The following BARX2 variants were observed in gnomAD, a reference collection of about 807,000 sequenced individuals.
The protein encoded by BARX2 is BARX homeobox 2.
Under a neutral mutation model 25.5 loss-of-function variants are expected in BARX2, and 11 were observed. The ratio of observed to expected loss-of-function variants is 0.43; its 90% confidence interval spans 0.27 to 0.71. The LOEUF is 0.71. Ranked by LOEUF, BARX2 falls within the 30% of genes least tolerant of loss-of-function variation. The probability of loss-of-function intolerance (pLI) is 0.19; values close to 1 mark genes in which losing one functional copy is unlikely to be tolerated. For missense variants in BARX2, 360 were observed against 359.9 expected, an observed-to-expected ratio of 1.00 and a Z score of 0.00; for synonymous variants, 137 against 149.5, an observed-to-expected ratio of 0.92 and a Z score of 0.61.
intron 1 of BARX2, among the ~76,000 whole-genome samples, chr11:129,378,021 A>T (rs1493544): frequency 0.87 from 131,793 of 152,176 alleles, 57,181 homozygotes; most frequent in East Asian, 0.98. Context: ...CAGAGGAAAA[A>T]AAAATGATTC....
chr11:129,399,150 G>A (rs1861751632), intron 1 of BARX2, among the ~76,000 whole-genome samples: 1 of 152,170 alleles, frequency 6.6e-6, no homozygotes, highest in Admixed American at 6.5e-5. Flanking sequence ...CCTGTCAGTG[G>A]AATATTGAAT....
At position 129,436,655 on chromosome 11, in the gene BARX2, C is replaced by T; in HGVS notation, c.188-96C>T. 1 of 1,362,250 alleles carries T rather than the reference C, an allele frequency of 7.3e-7. No homozygotes were observed. Among genetic ancestry groups the T allele is most frequent in the Non-Finnish European group, 1.0e-6 (1 of 1,002,436 alleles). 84.4% of individuals were successfully genotyped at this position (1,362,250 alleles called of 1,614,324 possible). A position where few individuals can be genotyped will look rare whatever the true frequency, so the allele number is the denominator to read the frequency against. ...TACCTCCTTAAGAGCAGGGCCCTCC[C>T]TGTCAGACAGACCTCAGCCAGCGGC... On this transcript the variant is annotated intron_variant, in intron 1 of 3. Transcript: ENST00000281437. The surrounding 1 kb of genome is among the most constrained non-coding windows in gnomAD (Gnocchi z 4.5).
intron 2 of BARX2, among the ~76,000 whole-genome samples, chr11:129,440,110 C>T (rs2135413664): frequency 6.6e-6 from 1 of 152,238 alleles, no homozygotes; most frequent in South Asian, 2.1e-4. Context: ...ATGAGCACTC[C>T]CTCCTCCCAC....
chr11:129,391,747 G>A (rs1467916282), intron 1 of BARX2, among the ~76,000 whole-genome samples: 1 of 152,104 alleles, frequency 6.6e-6, no homozygotes, highest in East Asian at 1.9e-4. Context: ...ACGGAGAGGG[G>A]GGTCAAAAAT....
At chr11:129,413,005 G>A (rs1289061153) in intron 1 of BARX2, among the ~76,000 whole-genome samples, 1 of 152,148 alleles carries the variant, frequency 6.6e-6, no homozygotes, top group African/African-American at 2.4e-5. Context: ...AAACTTACGT[G>A]CAGTGGGAGT....
chr11:129,394,231 C>T (rs1861695322), intron 1 of BARX2, among the ~76,000 whole-genome samples: 1 of 152,192 alleles, frequency 6.6e-6, no homozygotes, highest in Non-Finnish European at 1.5e-5. Flanking sequence ...CTACGGTTCA[C>T]TCATTTTCAT....
chr11:129,420,678 C>T (rs1309205497), intron 1 of BARX2, among the ~76,000 whole-genome samples: 1 of 152,208 alleles, frequency 6.6e-6, no homozygotes, highest in Non-Finnish European at 1.5e-5. Context: ...TTTATTACTT[C>T]ACCTCCTTGT....
rs762376633 is a variant in BARX2, at chr11:129,376,754, A to G, written c.187+532A>G. 6.6e-6 allele frequency among the ~76,000 whole-genome samples: 1 copy of G among 152,170 alleles called. No individual in the cohort carries two copies. The highest frequency in any genetic ancestry group is 1.5e-5 in the Non-Finnish European group (1 of 68,046). On this transcript the variant is annotated intron_variant, in intron 1 of 3. Transcript: ENST00000281437. The surrounding 1 kb of genome is among the most constrained non-coding windows in gnomAD (Gnocchi z 4.2). Reference sequence around the variant, plus strand: ...CTCTGAGAAAGTAGTTCTGAAGTACATTGTCTTTGTGGCACAAGCCGAAAA... The same window carrying G: ...CTCTGAGAAAGTAGTTCTGAAGTACGTTGTCTTTGTGGCACAAGCCGAAAA...
In BARX2 at chr11:129,421,645, C is replaced by T. The variant is rs1006508002; in HGVS notation, c.188-15106C>T. Among the ~76,000 whole-genome samples, 9 of 152,264 alleles carry T rather than the reference C, an allele frequency of 5.9e-5. No homozygotes were observed. The East Asian group carries it at 9.7e-4, about 16-fold the overall frequency. ...GTCATCACAGTAATGGGAAATCTTC[C>T]GATCACTGACTATATTTTGGGGGCC... On this transcript the variant is annotated intron_variant, in intron 1 of 3. Coordinates refer to ENST00000281437, the MANE Select transcript of BARX2 (RefSeq NM_003658.5).
chr11:129,398,065 C>T (rs1470018473), intron 1 of BARX2, among the ~76,000 whole-genome samples: 1 of 152,212 alleles, frequency 6.6e-6, no homozygotes, highest in Non-Finnish European at 1.5e-5. Flanking sequence ...ACGATCTCAA[C>T]TGCATCTTTA....
At chr11:129,399,105 C>A (rs938894405) in intron 1 of BARX2, among the ~76,000 whole-genome samples, 1 of 152,170 alleles carries the variant, frequency 6.6e-6, no homozygotes, top group African/African-American at 2.4e-5. Context: ...ATATGATGGT[C>A]CCCTGGGTCA....
intron 1 of BARX2, among the ~76,000 whole-genome samples, chr11:129,414,123 C>T (rs1249481771): frequency 6.6e-6 from 1 of 151,074 alleles, no homozygotes; most frequent in Non-Finnish European, 1.5e-5. Context: ...GGTTTGATAT[C>T]AGTTTGAACT....
In BARX2 at chr11:129,413,722, C is replaced by T. The variant is rs12276704; in HGVS notation, c.188-23029C>T. The stretch of plus-strand genomic sequence containing the variant: ...AAATGGTGGGGAAAGGTGTCATCGG[C>T]ACCTTGGAGAAGAATCTTCTTTATT... On this transcript the variant is annotated intron_variant, in intron 1 of 3. Coordinates refer to ENST00000281437, the MANE Select transcript of BARX2 (RefSeq NM_003658.5). Among the ~76,000 whole-genome samples, 1,028 of 152,100 alleles carry T rather than the reference C, an allele frequency of 6.8e-3. 14 individuals carry two copies. The highest frequency in any genetic ancestry group is 0.024 in the African/African-American group (989 of 41,498).
chr11:129,433,821 C>G (rs1862156209), intron 1 of BARX2, among the ~76,000 whole-genome samples: 2 of 152,206 alleles, frequency 1.3e-5, no homozygotes, highest in South Asian at 2.1e-4. Context: ...TTTATCACTA[C>G]CTGGCACTAT....
At chr11:129,443,566 G>A (rs926782389) in intron 3 of BARX2, among the ~76,000 whole-genome samples, 1 of 152,194 alleles carries the variant, frequency 6.6e-6, no homozygotes, top group African/African-American at 2.4e-5. Context: ...GGCTGGGAAT[G>A]TGCGTGTTAA....
Position 129,449,038 on chromosome 11 carries a change from G to A in BARX2, c.574-2098G>A, listed in dbSNP as rs117027361. 6.7e-3 allele frequency among the ~76,000 whole-genome samples: 1,020 copies of A among 152,260 alleles called. 5 individuals are homozygous for A. Among genetic ancestry groups the A allele is most frequent in the Non-Finnish European group, 7.8e-3 (529 of 68,026 alleles). Reference sequence around the variant, plus strand: ...GGTTGCCCAGGGCTGTGGGCAGATCGGGTAGGGGCTGGGGGAAAATAGGGA... The same window carrying A: ...GGTTGCCCAGGGCTGTGGGCAGATCAGGTAGGGGCTGGGGGAAAATAGGGA... On this transcript the variant is annotated intron_variant, in intron 3 of 3. Transcript: ENST00000281437.
rs552279234 is a variant in BARX2 at position 129,451,733 on chromosome 11, G to A, written c.*331G>A. ...CAAGCCCTATATCCTAGCATGCAGT[G>A]GAAAGTGCTTAGCTCTCTCCCTCCT... On this transcript the variant is annotated 3_prime_UTR_variant, in exon 4 of 4. Transcript: ENST00000281437. 1 of 264,604 alleles carries A rather than the reference G, an allele frequency of 3.8e-6. No homozygotes were observed. Among genetic ancestry groups the A allele is most frequent in the African/African-American group, 2.2e-5 (1 of 46,006 alleles). 16.4% of individuals were successfully genotyped at this position (264,604 alleles called of 1,614,324 possible).
At chr11:129,451,088 G>A in intron 3 of BARX2, 48 bp from the exon 4 acceptor site, 1 of 1,590,290 alleles carries the variant, frequency 6.3e-7, no homozygotes, top group Non-Finnish European at 8.6e-7. Context: ...GAAAGGTGGA[G>A]GGAAGGAATT....
intron 1 of BARX2, among the ~76,000 whole-genome samples, chr11:129,379,677 C>T (rs934987380): frequency 6.6e-6 from 1 of 151,310 alleles, no homozygotes; most frequent in Non-Finnish European, 1.5e-5. Context: ...AAATTTGAGG[C>T]GTGTTGAGAA....
Sources: allele counts gnomAD v4.1 joint callset (sites outside exome capture counted in the v4.1 genomes callset), GRCh38; gene constraint gnomAD v4.1.1; non-coding constraint Gnocchi (gnomAD v3.1); transcripts MANE v1.5; gene names NCBI Gene and HGNC (gene_info 2026-07-23, HGNC 2026-07-21).